EFNB2: variants seen among roughly 807,000 people sequenced by gnomAD.
The protein encoded by EFNB2 is ephrin-B2.
A neutral mutation model predicts 32.1 loss-of-function variants in EFNB2; 5 were observed. That is an observed-to-expected ratio of 0.16 (90% CI 0.08 to 0.33). The LOEUF (loss-of-function observed/expected upper bound fraction) is 0.33. Among genes scored for constraint, EFNB2 ranks in the 10% least tolerant of loss-of-function variants. EFNB2 has a pLI of 1.00. For synonymous variants in EFNB2, 168 were observed against 166.5 expected (o/e 1.01, Z -0.07); for missense variants, 263 against 422.6 (o/e 0.62, Z 3.31).
chr13:106,530,411 T>G (rs901391114), intron 1 of EFNB2, among the ~76,000 whole-genome samples: 3 of 152,162 alleles, frequency 2.0e-5, no homozygotes, highest in African/African-American at 7.2e-5. Flanking sequence ...ACACAAAGGG[T>G]GAGCTCATAA....
intron 2 of EFNB2, among the ~76,000 whole-genome samples, chr13:106,501,646 G>T (rs1291278404): frequency 2.0e-5 from 3 of 150,964 alleles, no homozygotes; most frequent in African/African-American, 7.3e-5. Flanking sequence ...AGGCTGGAGT[G>T]CAGTGGTGTG....
intron 2 of EFNB2, 137 bp downstream of exon 2, chr13:106,512,392 A>AGC (rs1555324659): frequency 1.7e-5 from 5 of 301,440 alleles, no homozygotes; most frequent in Non-Finnish European, 2.6e-5. Flanking sequence ...AAAAAAAAAA[A>AGC]GGGGGGGGGG....
Position 106,494,975 on chromosome 13 carries a change from T to C in EFNB2, c.519A>G (p.Ser173=), listed in dbSNP as rs1006761167. 1 of 1,614,096 alleles carries C rather than the reference T, an allele frequency of 6.2e-7. No homozygotes were observed. The highest frequency in any genetic ancestry group is 8.5e-7 in the Non-Finnish European group (1 of 1,179,938). ...KVGQDASSAG[S]TRNKDPTRRP... ...GTCTTGTTGGATCTTTATTCCTGGT[T>C]GATCCAGCAGAACTTGCATCTATAT... The change falls in exon 4 of 5, where the codon TCA becomes TCG. Residue 173 remains serine, a synonymous_variant. Coordinates refer to ENST00000646441, the MANE Select transcript of EFNB2 (RefSeq NM_004093.4).
chr13:106,509,923 A>T (rs982184105), intron 2 of EFNB2: 1 of 152,200 alleles, frequency 6.6e-6, no homozygotes, highest in African/African-American at 2.4e-5. Flanking sequence ...CCATCGTGGA[A>T]GTCTTTCAAC....
At chr13:106,516,364 A>G (rs1279106549) in intron 1 of EFNB2, 1 of 152,284 alleles carries the variant, frequency 6.6e-6, no homozygotes, top group Non-Finnish European at 1.5e-5. Flanking sequence ...AGCCACCTCC[A>G]GAACCACTAA....
intron 1 of EFNB2, among the ~76,000 whole-genome samples, chr13:106,526,168 A>T (rs1160847655): frequency 6.6e-6 from 1 of 152,158 alleles, no homozygotes; most frequent in East Asian, 1.9e-4. Context: ...CCTAAAGTTC[A>T]AGAGCCAGGG....
intron 2 of EFNB2, among the ~76,000 whole-genome samples, chr13:106,504,652 C>A (rs1878891563): frequency 6.6e-6 from 1 of 152,154 alleles, no homozygotes; most frequent in Admixed American, 6.5e-5. Context: ...GCTACTTCAC[C>A]AATGCAAAAA....
At position 106,494,917 on chromosome 13, in the gene EFNB2, T is replaced by G; in HGVS notation, c.577A>C (p.Ser193Arg). The G allele has an allele frequency of 6.2e-7, 1 of 1,614,202 alleles. No homozygotes were observed. Among genetic ancestry groups the G allele is most frequent in the Non-Finnish European group, 8.5e-7 (1 of 1,180,014 alleles). ...TTTACAAAGGGACTTGTTGTCGAAC[T>G]TCTTCCATTTGTACCAGCTTCTAGT... ...PELEAGTNGRSSTTSPFVKPN... is the reference protein window; with the variant it reads ...PELEAGTNGRRSTTSPFVKPN... Residue 193 changes from serine (S) to arginine (R), a missense_variant, in exon 4 of 5, where the codon AGT becomes CGT. Coordinates refer to ENST00000646441, the MANE Select transcript of EFNB2 (RefSeq NM_004093.4).
At chr13:106,506,141 T>C (rs1403165377) in intron 2 of EFNB2, 1 of 151,524 alleles carries the variant, frequency 6.6e-6, no homozygotes, top group Non-Finnish European at 1.5e-5. Flanking sequence ...AGAAAAGGAG[T>C]TCACATGATG....
chr13:106,529,576 G>A (rs991290398), intron 1 of EFNB2, among the ~76,000 whole-genome samples: 19 of 152,198 alleles, frequency 1.2e-4, no homozygotes, highest in Non-Finnish European at 1.9e-4. Context: ...AGTCTGTGTG[G>A]TTCTCACATA....
At chr13:106,526,928 C>A (rs1051161198) in intron 1 of EFNB2, among the ~76,000 whole-genome samples, 1 of 152,266 alleles carries the variant, frequency 6.6e-6, no homozygotes, top group East Asian at 1.9e-4. Context: ...TTAGGTGCCC[C>A]GCAGGGAATG....
chr13:106,524,312 T>C (rs1594176557), intron 1 of EFNB2, among the ~76,000 whole-genome samples: 2 of 152,218 alleles, frequency 1.3e-5, no homozygotes, highest in South Asian at 2.1e-4. Flanking sequence ...AGTTATATGA[T>C]AAAGACTACT....
At chr13:106,506,245 T>G (rs1467214998) in intron 2 of EFNB2, 1 of 152,154 alleles carries the variant, frequency 6.6e-6, no homozygotes, top group Non-Finnish European at 1.5e-5. Context: ...CCCTGACACA[T>G]TTTCTTCTCT....
chr13:106,518,155 T>C lies in EFNB2; in HGVS notation c.123-5343A>G, dbSNP rs1275325394. On this transcript the variant is annotated intron_variant, in intron 1 of 4. Transcript: ENST00000646441. The surrounding 1 kb of genome is among the most constrained non-coding windows in gnomAD (Gnocchi z 4.1). The stretch of plus-strand genomic sequence containing the variant: ...GAGTTCAAGACCAGCCTGGCCAAGA[T>C]GGTAAAACCCCGTCTCTATTAAAAA... 2 of 152,174 alleles carry C rather than the reference T, an allele frequency of 1.3e-5. No homozygotes were observed. Among genetic ancestry groups the C allele is most frequent in the African/African-American group, 4.8e-5 (2 of 41,434 alleles). 9.4% of individuals were successfully genotyped at this position (152,174 alleles called of 1,614,324 possible). A position where few individuals can be genotyped will look rare whatever the true frequency, so the allele number is the denominator to read the frequency against.
intron 3 of EFNB2, among the ~76,000 whole-genome samples, 168 bp downstream of exon 3, chr13:106,495,580 T>C (rs1326372834): frequency 6.6e-6 from 1 of 152,196 alleles, no homozygotes; most frequent in African/African-American, 2.4e-5. Flanking sequence ...AATAAAAGCT[T>C]AGTACATTGA....
intron 2 of EFNB2, among the ~76,000 whole-genome samples, chr13:106,505,878 T>C (rs150629506): frequency 6.6e-6 from 1 of 152,300 alleles, no homozygotes; most frequent in East Asian, 1.9e-4. Flanking sequence ...TCATGATGGC[T>C]TAGGTGATGT....
At chr13:106,522,870 T>C (rs965586116) in intron 1 of EFNB2, among the ~76,000 whole-genome samples, 4 of 152,178 alleles carry the variant, frequency 2.6e-5, no homozygotes, top group African/African-American at 9.7e-5. Context: ...ACCAGGTACC[T>C]TGCATAAATA....
intron 1 of EFNB2, chr13:106,517,830 C>G (rs1359790785): frequency 6.6e-6 from 1 of 152,186 alleles, no homozygotes; most frequent in African/African-American, 2.4e-5. Context: ...GTGAAAAGAT[C>G]TGATATTGGA....
rs1274298564 is a variant in EFNB2 at position 106,493,121 on chromosome 13, G to A, written c.921C>T (p.Val307=). ...ACACCGGGTGCCCGTAGTCCCCGCT[G>A]ACCTTCTCGTAGTGAGGGCAGAAGA... ...DSVFCPHYEK[V]SGDYGHPVYI... The change falls in exon 5 of 5, where the codon GTC becomes GTT. Residue 307 remains valine (V), a synonymous_variant. Transcript: ENST00000646441. This position sits in a 1 kb window ranked among gnomAD's most constrained non-coding sequence, Gnocchi z 6.1. 2 of 1,614,060 alleles carry A rather than the reference G, an allele frequency of 1.2e-6. No homozygotes were observed. The highest frequency in any genetic ancestry group is 1.7e-5 in the Admixed American group (1 of 60,026).
Sources: allele counts gnomAD v4.1 joint callset (sites outside exome capture counted in the v4.1 genomes callset), GRCh38; gene constraint gnomAD v4.1.1; non-coding constraint Gnocchi (gnomAD v3.1); transcripts MANE v1.5; gene names NCBI Gene and HGNC (gene_info 2026-07-23, HGNC 2026-07-21).